The following C1orf21 variants were observed in gnomAD, a reference collection of about 807,000 sequenced individuals.
C1orf21 encodes the protein uncharacterized protein C1orf21.
Under a neutral mutation model 18.7 loss-of-function variants are expected in C1orf21, and 3 were observed. The ratio of observed to expected loss-of-function variants is 0.16; its 90% CI spans 0.07 to 0.42. The LOEUF (loss-of-function observed/expected upper bound fraction) is 0.42, where lower values mean the gene tolerates loss of function less well. C1orf21 is among the 10% of genes least tolerant of loss of function. The pLI, the probability that C1orf21 is intolerant of heterozygous loss-of-function variation, is 0.99. For missense variants in C1orf21, 104 were observed against 143.6 expected, an observed-to-expected ratio of 0.72 and a Z score of 1.41; for synonymous variants, 41 against 46.4, an observed-to-expected ratio of 0.88 and a Z score of 0.47.
intron 1 of C1orf21, among the ~76,000 whole-genome samples, chr1:184,435,001 T>C (rs1656837049): frequency 1.3e-5 from 2 of 152,190 alleles, no homozygotes; most frequent in Admixed American, 1.3e-4. Flanking sequence ...GGTATTGCTA[T>C]AGAGCCATGA....
intron 5 of C1orf21, among the ~76,000 whole-genome samples, chr1:184,600,725 T>G (rs939373315): frequency 3.3e-5 from 5 of 152,214 alleles, no homozygotes; most frequent in Admixed American, 3.3e-4. Flanking sequence ...TACATTTACA[T>G]TGGAAGAAGA....
At chr1:184,446,627 G>A (rs190257171) in intron 1 of C1orf21, among the ~76,000 whole-genome samples, 1 of 151,870 alleles carries the variant, frequency 6.6e-6, no homozygotes, top group Admixed American at 6.6e-5. Flanking sequence ...ACAGACAGAC[G>A]TGTAATGGAT....
Position 184,453,667 on chromosome 1 carries a change from T to A in C1orf21, c.-124-23719T>A, listed in dbSNP as rs1028986219. The stretch of plus-strand genomic sequence containing the variant: ...GATATCTAGACCAAAACTTTTTTTT[T>A]ATTAGGTTATTTGTTTATAGCTGCT... On this transcript the variant is annotated intron_variant, in intron 1 of 5. Coordinates refer to ENST00000235307, the MANE Select transcript of C1orf21 (RefSeq NM_030806.4). Among the ~76,000 whole-genome samples the A allele has an allele frequency of 4.6e-5, 7 of 152,192 alleles. No homozygotes were observed. The South Asian group carries it at 1.2e-3, about 27-fold the overall frequency.
intron 5 of C1orf21, among the ~76,000 whole-genome samples, chr1:184,609,618 A>T (rs1383131974): frequency 1.3e-5 from 2 of 152,234 alleles, no homozygotes. Context: ...TTTGCATCTT[A>T]ACTGTTACAC....
Position 184,414,405 on chromosome 1 carries a change from G to A in C1orf21, c.-125+27037G>A, listed in dbSNP as rs76528337. Among the ~76,000 whole-genome samples the A allele has an allele frequency of 4.9e-3, 751 of 152,264 alleles. 3 individuals carry two copies. Among genetic ancestry groups the A allele is most frequent in the African/African-American group, 0.017 (706 of 41,538 alleles). Reference sequence around the variant, plus strand: ...CGGCGTTTCAAAGTGTGAGATGATAGGTGTAAGTCACTATGCTCGGCCGGA... The same window carrying A: ...CGGCGTTTCAAAGTGTGAGATGATAAGTGTAAGTCACTATGCTCGGCCGGA... On this transcript the variant is annotated intron_variant, in intron 1 of 5. Transcript: ENST00000235307.
chr1:184,585,065 T>C (rs1558008462), intron 3 of C1orf21, among the ~76,000 whole-genome samples: 1 of 152,254 alleles, frequency 6.6e-6, no homozygotes, highest in East Asian at 1.9e-4. Context: ...TTATAGAATG[T>C]AAATTTTACC....
Position 184,589,339 on chromosome 1 carries a change from C to T in C1orf21, c.190-1400C>T, listed in dbSNP as rs142789590. Among the ~76,000 whole-genome samples the T allele has an allele frequency of 7.6e-3, 1,159 of 152,328 alleles. 6 individuals are homozygous for T. The highest frequency in any genetic ancestry group is 0.02 in the Middle Eastern group (6 of 294). On this transcript the variant is annotated intron_variant, in intron 3 of 5. Transcript: ENST00000235307. ...TTCTTACCTCTAACTTTTAAAAACA[C>T]GTGAATGACTTTTTGACATCGTTCA...
At chr1:184,464,634 A>C (rs951163880) in intron 1 of C1orf21, among the ~76,000 whole-genome samples, 3 of 152,250 alleles carry the variant, frequency 2.0e-5, no homozygotes. Context: ...AAGAAATATG[A>C]AATAGTTGAC....
At chr1:184,431,628 TTAAAC>T (rs1377549248) in intron 1 of C1orf21, among the ~76,000 whole-genome samples, 2 of 152,084 alleles carry the variant, frequency 1.3e-5, no homozygotes, top group Non-Finnish European at 2.9e-5. Context: ...CGGGATCTAA[TTAAAC>T]TAAAGAGCTT....
chr1:184,542,513 A>T (rs1428476963), intron 3 of C1orf21: 1 of 152,172 alleles, frequency 6.6e-6, no homozygotes, highest in Non-Finnish European at 1.5e-5. Context: ...GCATATCTCA[A>T]CAAAACATAT....
chr1:184,527,462 G>A (rs1234564381), intron 3 of C1orf21, among the ~76,000 whole-genome samples: 1 of 152,128 alleles, frequency 6.6e-6, no homozygotes, highest in African/African-American at 2.4e-5. Flanking sequence ...TGTCTCAGAA[G>A]GTATGGGAAA....
At chr1:184,537,382 T>C (rs1273302500) in intron 3 of C1orf21, among the ~76,000 whole-genome samples, 1 of 152,196 alleles carries the variant, frequency 6.6e-6, no homozygotes, top group African/African-American at 2.4e-5. Context: ...AGTGGAATCA[T>C]ATAATGTTTG....
chr1:184,555,556 C>T (rs905963140), intron 3 of C1orf21, among the ~76,000 whole-genome samples: 1 of 152,156 alleles, frequency 6.6e-6, no homozygotes, highest in Admixed American at 6.5e-5. Flanking sequence ...CATACACACA[C>T]ACACACTGTC....
At position 184,590,728 on chromosome 1, in the gene C1orf21, A is replaced by G. The variant is rs766471630; in HGVS notation, c.190-11A>G. 1.9e-6 allele frequency: 3 copies of G among 1,608,132 alleles called. No individual in the cohort carries two copies. The highest frequency in any genetic ancestry group is 2.6e-6 in the Non-Finnish European group (3 of 1,174,640). ...TCCTGTCTTTCACATGTCTGTGTTT[A>G]TGTGTTTCAGGAAAAAAGTGCCAGC... On this transcript the variant is annotated splice_polypyrimidine_tract_variant and intron_variant, in intron 3 of 5. Transcript: ENST00000235307.
At chr1:184,441,359 C>T (rs57336256) in intron 1 of C1orf21, among the ~76,000 whole-genome samples, 11,796 of 152,192 alleles carry the variant, frequency 0.078, 794 homozygotes, top group African/African-American at 0.17. Flanking sequence ...AAAGGGGTGG[C>T]AGGGCGAAGA....
intron 1 of C1orf21, among the ~76,000 whole-genome samples, chr1:184,454,265 A>G (rs1403445929): frequency 6.6e-6 from 1 of 152,226 alleles, no homozygotes; most frequent in African/African-American, 2.4e-5. Flanking sequence ...TTGTATGGAT[A>G]ATCGCTTATC....
chr1:184,518,763 G>A (rs559034910), intron 3 of C1orf21, among the ~76,000 whole-genome samples: 119 of 152,214 alleles, frequency 7.8e-4, no homozygotes, highest in African/African-American at 2.8e-3. Context: ...GGCACTGAAA[G>A]TGTGTAAGGA....
At chr1:184,474,493 A>C (rs1282368908) in intron 1 of C1orf21, among the ~76,000 whole-genome samples, 1 of 152,248 alleles carries the variant, frequency 6.6e-6, no homozygotes, top group Non-Finnish European at 1.5e-5. Flanking sequence ...AATTCAAATA[A>C]AATTTTTTTG....
chr1:184,455,103 G>A (rs1169856648), intron 1 of C1orf21, among the ~76,000 whole-genome samples: 2 of 152,098 alleles, frequency 1.3e-5, no homozygotes, highest in Non-Finnish European at 2.9e-5. Context: ...TGTCCAAAGT[G>A]AATAAACACT....
Sources: gnomAD v4.1 joint callset for allele counts (sites outside exome capture counted in the v4.1 genomes callset) on GRCh38, gnomAD v4.1.1 for gene constraint, MANE v1.5 for transcripts, NCBI Gene and HGNC (gene_info 2026-07-23, HGNC 2026-07-21) for gene names.